METTL4: variants seen among roughly 807,000 people sequenced by gnomAD.
METTL4 encodes the protein methyltransferase 4, N6-adenosine.
A neutral mutation model predicts 54.0 loss-of-function variants in METTL4; 40 were observed. That is an observed-to-expected ratio of 0.74 (90% CI 0.58 to 0.96). METTL4 has a LOEUF of 0.96. METTL4 is among the 50% of genes least tolerant of loss of function. The pLI is 0.00. For synonymous variants in METTL4, 169 were observed against 183.8 expected (o/e 0.92, Z 0.65); for missense variants, 525 against 549.0 (o/e 0.96, Z 0.44).
chr18:2,557,216 G>T (rs553990096), intron 3 of METTL4, among the ~76,000 whole-genome samples: 5 of 152,170 alleles, frequency 3.3e-5, no homozygotes, highest in Non-Finnish European at 7.4e-5. Flanking sequence ...CAGGAAATCT[G>T]CAGGTAGGCA....
intron 1 of METTL4, chr18:2,568,974 T>A: frequency 4.5e-6 from 1 of 220,440 alleles, no homozygotes; most frequent in South Asian, 8.1e-5. Context: ...TCTAAAGGAG[T>A]GGTGGACTCA....
chr18:2,547,561 A>C (rs771206755), intron 5 of METTL4, 32 bp from the exon 6 acceptor site: 30 of 1,517,384 alleles, frequency 2.0e-5, no homozygotes, highest in Non-Finnish European at 2.7e-5. Context: ...GATGAGCAAA[A>C]TTCACTGCAA....
At chr18:2,565,294 G>T (rs1445535448) in intron 2 of METTL4, among the ~76,000 whole-genome samples, 1 of 151,804 alleles carries the variant, frequency 6.6e-6, no homozygotes. Flanking sequence ...AAAAAAGGGG[G>T]ATCAACACAT....
chr18:2,540,526 T>C, intron 8 of METTL4: 1 of 985,434 alleles, frequency 1.0e-6, no homozygotes, highest in South Asian at 4.7e-5. Context: ...TGGTCCTGTT[T>C]AGCAAAAATC....
chr18:2,568,065 G>C (rs1279287222), intron 1 of METTL4, among the ~76,000 whole-genome samples: 1 of 152,240 alleles, frequency 6.6e-6, no homozygotes, highest in African/African-American at 2.4e-5. Flanking sequence ...ATCCAGTGCA[G>C]TGGAGAACTT....
chr18:2,567,322 A>T lies in METTL4; in HGVS notation c.-106T>A. 2 of 985,522 alleles carry T rather than the reference A, an allele frequency of 2.0e-6. No homozygotes were observed. Among genetic ancestry groups the T allele is most frequent in the Non-Finnish European group, 3.0e-6 (2 of 676,192 alleles). 61.0% of individuals were successfully genotyped at this position (985,522 alleles called of 1,614,324 possible). The stretch of plus-strand genomic sequence containing the variant: ...GTATTTCAATAAACATACACTTCAT[A>T]CACACAGATAGATTTGATATACAAG... On this transcript the variant is annotated 5_prime_UTR_variant, in exon 2 of 9. It introduces an in-frame stop codon into an upstream open reading frame of the 5' UTR. Transcript: ENST00000574538.
chr18:2,546,932 T>C (rs1264384689), intron 6 of METTL4, among the ~76,000 whole-genome samples: 1 of 152,152 alleles, frequency 6.6e-6, no homozygotes, highest in African/African-American at 2.4e-5. Context: ...TGCTATTCCT[T>C]GCCCTCATCC....
intron 5 of METTL4, among the ~76,000 whole-genome samples, chr18:2,547,850 T>C (rs2072094983): frequency 6.6e-6 from 1 of 152,170 alleles, no homozygotes. Context: ...GTTGTTTAGA[T>C]CCCATACTCT....
chr18:2,540,200 T>G (rs144319352), intron 8 of METTL4: 667 of 985,348 alleles, frequency 6.8e-4, no homozygotes, highest in Admixed American at 8.6e-4. Flanking sequence ...GAAAAGCACA[T>G]GTTCACTCAA....
chr18:2,540,856 G>A (rs2071984440), intron 8 of METTL4: 2 of 985,300 alleles, frequency 2.0e-6, no homozygotes, highest in Non-Finnish European at 2.4e-6. Context: ...GAAGATGTTA[G>A]CAACCCTATT....
At chr18:2,563,192 A>G (rs1405891991) in intron 3 of METTL4, among the ~76,000 whole-genome samples, 1 of 152,218 alleles carries the variant, frequency 6.6e-6, no homozygotes, top group African/African-American at 2.4e-5. Context: ...TGTTTTATCT[A>G]GACAATAGGA....
At chr18:2,568,081 G>A (rs2072447676) in intron 1 of METTL4, among the ~76,000 whole-genome samples, 1 of 152,152 alleles carries the variant, frequency 6.6e-6, no homozygotes, top group South Asian at 2.1e-4. Context: ...AACTTAAGAG[G>A]GGACAGAATA....
At position 2,543,967 on chromosome 18, in the gene METTL4, T is replaced by G. The variant is rs148197401; in HGVS notation, c.1273+228A>C. Among the ~76,000 whole-genome samples the G allele has an allele frequency of 1.9e-3, 291 of 152,308 alleles. 2 individuals carry two copies. The highest frequency in any genetic ancestry group is 6.8e-3 in the African/African-American group (282 of 41,570). On this transcript the variant is annotated intron_variant, in intron 8 of 8. Coordinates refer to ENST00000574538, the MANE Select transcript of METTL4 (RefSeq NM_022840.5). ...GGGAAGCAACTGATAGCAAGGGGAA[T>G]CTGAAAAATGGTATAACTGGAAAAG... is the stretch of plus-strand genomic sequence containing the variant.
intron 6 of METTL4, 42 bp downstream of exon 6, chr18:2,547,313 C>T: frequency 1.4e-6 from 2 of 1,466,518 alleles, no homozygotes; most frequent in Non-Finnish European, 9.1e-7. Flanking sequence ...TATGTGACTT[C>T]TATCAAGCTG....
intron 8 of METTL4, chr18:2,540,248 A>G (rs926483714): frequency 1.0e-6 from 1 of 984,810 alleles, no homozygotes; most frequent in Non-Finnish European, 1.2e-6. Context: ...AATCTTGATC[A>G]TGCTGCTGGT....
intron 2 of METTL4, among the ~76,000 whole-genome samples, chr18:2,564,169 C>A (rs2072366429): frequency 1.3e-5 from 2 of 151,462 alleles, no homozygotes; most frequent in South Asian, 2.1e-4. Flanking sequence ...TTTGGGAGGC[C>A]AAGGCGGGAG....
In METTL4 at chr18:2,544,192, T is replaced by C; in HGVS notation, c.1273+3A>G. 6.3e-7 allele frequency: 1 copy of C among 1,594,194 alleles called. No homozygotes were observed. The highest frequency in any genetic ancestry group is 8.5e-7 in the Non-Finnish European group (1 of 1,171,708). ...ATAACAATTCTATTTTATAAAAACA[T>C]ACCAGCAAGCGGTGGCTTATGTGAG... is the stretch of plus-strand genomic sequence containing the variant. On this transcript the variant is annotated splice_donor_region_variant and intron_variant, in intron 8 of 8. Transcript: ENST00000574538.
At chr18:2,549,937 T>C (rs1389600276) in intron 5 of METTL4, among the ~76,000 whole-genome samples, 2 of 151,264 alleles carry the variant, frequency 1.3e-5, no homozygotes, top group Non-Finnish European at 2.9e-5. Context: ...AAGGTTTCAA[T>C]GAGCCGAAAT....
chr18:2,539,481 A>ATTT (rs371102936), intron 8 of METTL4, among the ~76,000 whole-genome samples: 33,018 of 140,092 alleles, frequency 0.24, 3,478 homozygotes, highest in South Asian at 0.31. Flanking sequence ...TTATTTATTT[A>ATTT]ATTTTTTTTT....
Sources: allele counts gnomAD v4.1 joint callset (sites outside exome capture counted in the v4.1 genomes callset), GRCh38; gene constraint gnomAD v4.1.1; transcripts MANE v1.5; gene names NCBI Gene and HGNC (gene_info 2026-07-23, HGNC 2026-07-21).